Variants in RYR1 observed in about 807,000 individuals in gnomAD.
The protein encoded by RYR1 is ryanodine receptor 1.
RYR1 carries 342 observed loss-of-function variants against 583.5 expected under a neutral mutation model. That is an observed-to-expected ratio of 0.59 (90% confidence interval 0.54 to 0.64). RYR1 has a LOEUF of 0.64. RYR1 is among the 30% of genes least tolerant of loss of function. The pLI is 0.00. For missense variants in RYR1, 6,032 were observed against 6,917.2 expected (o/e 0.87, Z 4.54); for synonymous variants, 2,791 against 2,822.5 (o/e 0.99, Z 0.35).
intron 101 of RYR1, among the ~76,000 whole-genome samples, chr19:38,581,629 C>T (rs930444439): frequency 2.0e-5 from 3 of 152,198 alleles, no homozygotes; most frequent in Middle Eastern, 3.4e-3. Context: ...GACAGAGTCT[C>T]GTTCTGTCAC....
Position 38,451,805 on chromosome 19 carries a change from G to A in RYR1, c.1164G>A (p.Ser388=), listed in dbSNP as rs770740642. The part of the protein sequence containing the change: ...HQEGHMDDAL[S]LTRCQQEESQ... ...AGGGCCACATGGACGACGCACTGTC[G>A]CTGACCCGCTGCCAGCAGGAGGAGT... Residue 388 remains serine, a synonymous_variant, in exon 12 of 106, where the codon TCG becomes TCA. Transcript: ENST00000359596. 9 of 1,613,976 alleles carry A rather than the reference G, an allele frequency of 5.6e-6. No individual in the cohort carries two copies. The highest frequency in any genetic ancestry group is 4.4e-5 in the South Asian group (4 of 91,088).
intron 58 of RYR1, among the ~76,000 whole-genome samples, chr19:38,509,564 G>C (rs1257896019): frequency 2.0e-5 from 3 of 149,608 alleles, no homozygotes; most frequent in Non-Finnish European, 4.4e-5. Context: ...CCATTCTCCT[G>C]CCTCAGCCTC....
chr19:38,535,480 T>G, intron 81 of RYR1, 88 bp downstream of exon 81: 1 of 990,662 alleles, frequency 1.0e-6, no homozygotes, highest in South Asian at 1.3e-5. Flanking sequence ...CTGATTCTGC[T>G]CTTTCAGTCC....
chr19:38,494,734 C>G (rs1383781086), intron 39 of RYR1, 109 bp downstream of exon 39: 1 of 1,398,894 alleles, frequency 7.1e-7, no homozygotes, highest in African/African-American at 1.4e-5. Context: ...TCTGGGTGAT[C>G]TCAGTCTCTC....
chr19:38,506,584 G>T, intron 56 of RYR1, 38 bp downstream of exon 56: 1 of 1,609,852 alleles, frequency 6.2e-7, no homozygotes, highest in South Asian at 1.1e-5. Flanking sequence ...TACCCCCGTG[G>T]ATTCACCGTG....
chr19:38,537,985 A>C, intron 84 of RYR1, 25 bp downstream of exon 84: 28 of 800,262 alleles, frequency 3.5e-5, no homozygotes, highest in Non-Finnish European at 5.4e-5. Context: ...TGTGGGGTGG[A>C]GGGGAAGCCG....
Position 38,507,400 on chromosome 19 carries a change from A to G in RYR1, c.8817-312A>G, listed in dbSNP as rs868246454. 5.2e-3 allele frequency among the ~76,000 whole-genome samples: 196 copies of G among 38,024 alleles called. 2 individuals carry two copies. Among genetic ancestry groups the G allele is most frequent in the African/African-American group, 0.018 (184 of 10,040 alleles). The allele number at this position is 38,024 out of a possible 152,430, so 24.9% of individuals were successfully genotyped here. ...GCCAGAGAGGGGTGGGGAGGTACAG[A>G]GGGGCGGGGACTGGTGAGTGGAGGC... On this transcript the variant is annotated intron_variant, in intron 57 of 105. Coordinates refer to ENST00000359596, the MANE Select transcript of RYR1 (RefSeq NM_000540.3).
At position 38,536,066 on chromosome 19, in the gene RYR1, C is replaced by G; in HGVS notation, c.11586C>G (p.Gly3862=). 1 of 1,612,620 alleles carries G rather than the reference C, an allele frequency of 6.2e-7. No individual in the cohort carries two copies. Among genetic ancestry groups the G allele is most frequent in the Non-Finnish European group, 8.5e-7 (1 of 1,179,840 alleles). Residue 3862 remains glycine, a synonymous_variant, in exon 82 of 106, where the codon GGC becomes GGG. Coordinates refer to ENST00000359596, the MANE Select transcript of RYR1 (RefSeq NM_000540.3). ...GGCTGGGCATGGTGAATGAGGATGG[C>G]ACTGGTGAGGCCCTCCCTTGGGCTT... ...AEGLGMVNED[G]TVINRQNGEK...
rs36042816 is a variant in RYR1, at chr19:38,475,414, C to T, written c.4257C>T (p.Asn1419=). 54 of 1,613,970 alleles carry T rather than the reference C, an allele frequency of 3.3e-5. No individual in the cohort carries two copies. The African/African-American group carries it at 5.7e-4, about 17-fold the overall frequency. ...RLPHDVVPAD[N]RDDPEIILNT... ...CTCACGACGTGGTGCCTGCAGACAA[C>T]CGCGATGACCCCGAGATCATCCTCA... The change falls in exon 29 of 106, where the codon AAC becomes AAT. Residue 1419 remains asparagine (N), a synonymous_variant. Coordinates refer to ENST00000359596, the MANE Select transcript of RYR1 (RefSeq NM_000540.3).
rs1555770357 is a variant in RYR1 at position 38,459,246 on chromosome 19, C to T, written c.2268C>T (p.Phe756=). The T allele has an allele frequency of 1.2e-6, 2 of 1,614,146 alleles. No homozygotes were observed. The highest frequency in any genetic ancestry group is 1.1e-5 in the South Asian group (1 of 91,086). Residue 756 remains phenylalanine (F), a synonymous_variant, in exon 19 of 106, where the codon TTC becomes TTT. Coordinates refer to ENST00000359596, the MANE Select transcript of RYR1 (RefSeq NM_000540.3). ...CLDLSVPSIS[F]RINGCPVQGV... Reference sequence around the variant, plus strand: ...ACCTCAGCGTGCCGTCCATCTCCTTCCGCATCAACGGCTGCCCCGTGCAGG... The same window carrying T: ...ACCTCAGCGTGCCGTCCATCTCCTTTCGCATCAACGGCTGCCCCGTGCAGG...
rs375129811 is a variant in RYR1 at position 38,572,909 on chromosome 19, C to T, written c.13999-268C>T. Among the ~76,000 whole-genome samples the T allele has an allele frequency of 1.3e-3, 189 of 150,680 alleles. 1 individual carries two copies. Among genetic ancestry groups the T allele is most frequent in the African/African-American group, 3.9e-3 (162 of 41,072 alleles). Reference sequence around the variant, plus strand: ...ACTCTTCTATCTATGCCCCCTATCCCGGCCCTGACCCCTCTATCTATGCAC... The same window carrying T: ...ACTCTTCTATCTATGCCCCCTATCCTGGCCCTGACCCCTCTATCTATGCAC... On this transcript the variant is annotated intron_variant, in intron 95 of 105. Coordinates refer to ENST00000359596, the MANE Select transcript of RYR1 (RefSeq NM_000540.3).
At chr19:38,541,273 A>G (rs117128115) in intron 84 of RYR1, among the ~76,000 whole-genome samples, 3,462 of 152,312 alleles carry the variant, frequency 0.023, 91 homozygotes, top group Admixed American at 0.073. Flanking sequence ...GATGAGAAGC[A>G]CACACTTCTT....
At position 38,490,261 on chromosome 19, in the gene RYR1, C is replaced by T. The variant is rs1969493537; in HGVS notation, c.6000C>T (p.Ser2000=). ...CAAGACGTACCCGCGAGTTCCGCTC[C>T]CCACCCCAGGAACAGGTCATCTGAC... ...ETARRTREFR[S]PPQEQINMLL... is the part of the protein sequence containing the mutation. The change falls in exon 36 of 106, where the codon TCC becomes TCT. Residue 2000 remains serine (S), a synonymous_variant. Coordinates refer to ENST00000359596, the MANE Select transcript of RYR1 (RefSeq NM_000540.3). 2 of 1,613,902 alleles carry T rather than the reference C, an allele frequency of 1.2e-6. No homozygotes were observed. Among genetic ancestry groups the T allele is most frequent in the Non-Finnish European group, 1.7e-6 (2 of 1,179,928 alleles).
chr19:38,562,818 C>G (rs1437174813), intron 90 of RYR1, among the ~76,000 whole-genome samples: 1 of 152,250 alleles, frequency 6.6e-6, no homozygotes, highest in Non-Finnish European at 1.5e-5. Context: ...CTTTTGGCAT[C>G]TTCCCATGCC....
intron 38 of RYR1, 23 bp downstream of exon 38, chr19:38,492,659 A>C: frequency 2.5e-6 from 3 of 1,179,294 alleles, no homozygotes; most frequent in Non-Finnish European, 3.6e-6. Context: ...GTCACTGGGG[A>C]GAGGGCAGGG....
intron 101 of RYR1, among the ~76,000 whole-genome samples, chr19:38,584,304 C>T (rs1257843108): frequency 1.8e-5 from 2 of 108,292 alleles, no homozygotes; most frequent in Non-Finnish European, 3.7e-5. Context: ...TGCCCCCCCC[C>T]ACCCATCCCG....
At position 38,543,215 on chromosome 19, in the gene RYR1, TTGA is replaced by T. The variant is rs1456286769; in HGVS notation, c.11690-124_11690-122del. The T allele has an allele frequency of 4.6e-5, 36 of 780,086 alleles. No individual in the cohort carries two copies. The highest frequency in any genetic ancestry group is 6.4e-5 in the Non-Finnish European group (28 of 436,264). The allele number at this position is 780,086 out of a possible 1,614,324, so 48.3% of individuals were successfully genotyped here. A position where few individuals can be genotyped will look rare whatever the true frequency, so the allele number is the denominator to read the frequency against. On this transcript the variant is annotated intron_variant, in intron 84 of 105. Coordinates refer to ENST00000359596, the MANE Select transcript of RYR1 (RefSeq NM_000540.3). This position sits in a 1 kb window ranked among gnomAD's most constrained non-coding sequence, Gnocchi z 4.4. Reference sequence around the variant, plus strand: ...AAGTACTTGATAGTTATTAAATAAATTGATGATGATATGCTTTCTGGCATACAA... The same window carrying T: ...AAGTACTTGATAGTTATTAAATAAATTGATGATATGCTTTCTGGCATACAA...
At chr19:38,504,639 T>G in intron 50 of RYR1, 109 bp from the exon 51 acceptor site, 1 of 1,445,928 alleles carries the variant, frequency 6.9e-7, no homozygotes, top group Non-Finnish European at 9.6e-7. Context: ...ATAATTCAGG[T>G]TTGGGGTTCA....
rs1003014644 is a variant in RYR1, at chr19:38,497,078, C to T, written c.6891+124C>T. On this transcript the variant is annotated intron_variant, in intron 42 of 105. Coordinates refer to ENST00000359596, the MANE Select transcript of RYR1 (RefSeq NM_000540.3). ...CAATTCTGGATGGTCCAGTGCCCAA[C>T]CAGAAGGAGACTAATTTGCAGGGAG... The T allele has an allele frequency of 2.3e-5, 18 of 770,604 alleles. No homozygotes were observed. The African/African-American group carries it at 2.6e-4, about 11-fold the overall frequency. 47.7% of individuals were successfully genotyped at this position (770,604 alleles called of 1,614,324 possible).
Sources: allele counts gnomAD v4.1 joint callset (sites outside exome capture counted in the v4.1 genomes callset), GRCh38; gene constraint gnomAD v4.1.1; non-coding constraint Gnocchi (gnomAD v3.1); transcripts MANE v1.5; gene names NCBI Gene and HGNC (gene_info 2026-07-23, HGNC 2026-07-21).